The following KATNAL2 variants were observed in gnomAD, a reference collection of about 807,000 sequenced individuals.
KATNAL2 encodes the protein katanin p60 ATPase-containing subunit A-like 2.
A neutral mutation model predicts 76.3 loss-of-function variants in KATNAL2; 52 were observed. That is an observed-to-expected ratio of 0.68 (90% CI 0.55 to 0.86). The LOEUF is 0.86. KATNAL2 is among the 40% of genes least tolerant of loss of function. The probability of loss-of-function intolerance (pLI) is 0.00; values close to 1 mark genes in which losing one functional copy is unlikely to be tolerated. For missense variants in KATNAL2, 660 were observed against 668.9 expected (o/e 0.99, Z 0.15); for synonymous variants, 243 against 244.2 (o/e 1.00, Z 0.05).
At chr18:46,943,140 A>G (rs781303109) in intron 1 of KATNAL2, among the ~76,000 whole-genome samples, 5 of 152,084 alleles carry the variant, frequency 3.3e-5, no homozygotes, top group African/African-American at 9.7e-5. Flanking sequence ...TTTGATGTGT[A>G]TGGTCTCATA....
At chr18:47,080,047 C>G (rs1339194742) in intron 15 of KATNAL2, among the ~76,000 whole-genome samples, 1 of 152,176 alleles carries the variant, frequency 6.6e-6, no homozygotes, top group Non-Finnish European at 1.5e-5. Flanking sequence ...GGGTACAAGT[C>G]TATCATTTCC....
At chr18:46,943,866 T>G (rs1430377551) in intron 1 of KATNAL2, among the ~76,000 whole-genome samples, 1 of 152,254 alleles carries the variant, frequency 6.6e-6, no homozygotes, top group African/African-American at 2.4e-5. Context: ...GAAGCTAACA[T>G]GCTCTATTTT....
At chr18:47,084,309 T>G (rs1309002814) in intron 15 of KATNAL2, 6 of 702,656 alleles carry the variant, frequency 8.5e-6, no homozygotes, top group East Asian at 2.7e-5. Flanking sequence ...GATAAGCAGA[T>G]GTAACCCTTG....
chr18:47,052,998 G>T lies in KATNAL2; in HGVS notation c.241G>T (p.Val81Leu). The T allele has an allele frequency of 1.2e-6, 2 of 1,607,126 alleles. No homozygotes were observed. Among genetic ancestry groups the T allele is most frequent in the Admixed American group, 1.7e-5 (1 of 58,706 alleles). ...GATGGAATATGAGAGTTATTATTTT[G>T]TAAAATTTCAGAAATACCCCAAAAT... ...ILMEYESYYF[V>L]KFQKYPKIVK... The change falls in exon 5 of 18, where the codon GTA becomes TTA. Residue 81 changes from valine (V) to leucine (L), a missense_variant. Val to Leu is a conservative substitution (Grantham distance 32, BLOSUM62 1). Transcript: ENST00000683218.
At chr18:46,955,580 A>G (rs758636252) in intron 3 of KATNAL2, among the ~76,000 whole-genome samples, 2 of 151,636 alleles carry the variant, frequency 1.3e-5, no homozygotes, top group African/African-American at 2.4e-5. Flanking sequence ...TTTGTTTGGA[A>G]ACAGGGTCTC....
chr18:47,054,119 A>G (rs1316443693), intron 5 of KATNAL2, among the ~76,000 whole-genome samples: 1 of 152,228 alleles, frequency 6.6e-6, no homozygotes, highest in Non-Finnish European at 1.5e-5. Flanking sequence ...GCTAGCCTAT[A>G]TTGGAGTTGC....
At chr18:47,062,909 G>A in intron 8 of KATNAL2, 63 bp from the exon 9 acceptor site, 2 of 1,316,220 alleles carry the variant, frequency 1.5e-6, no homozygotes, top group South Asian at 2.4e-5. Context: ...TAATGAAACT[G>A]AGTTATTAAG....
intron 1 of KATNAL2, among the ~76,000 whole-genome samples, chr18:46,931,520 G>A (rs113304840): frequency 0.058 from 8,738 of 151,520 alleles, 301 homozygotes; most frequent in Non-Finnish European, 0.081. Flanking sequence ...GGGCGTGGTC[G>A]CACACACCTG....
intron 3 of KATNAL2, among the ~76,000 whole-genome samples, chr18:46,949,308 A>G (rs1434709247): frequency 6.6e-6 from 1 of 151,970 alleles, no homozygotes; most frequent in South Asian, 2.1e-4. Context: ...GCTGGAATGC[A>G]GTGGTGTGAT....
intron 15 of KATNAL2, chr18:47,084,352 C>G: frequency 1.4e-6 from 1 of 702,894 alleles, no homozygotes; most frequent in Non-Finnish European, 2.6e-6. Flanking sequence ...CATTTTTGGG[C>G]TCCAGGAAGA....
intron 13 of KATNAL2, among the ~76,000 whole-genome samples, chr18:47,074,102 A>C (rs1287711861): frequency 1.3e-5 from 2 of 152,198 alleles, no homozygotes; most frequent in African/African-American, 4.8e-5. Context: ...CAAGGACGGA[A>C]AGTTATTTGC....
intron 15 of KATNAL2, among the ~76,000 whole-genome samples, chr18:47,085,058 C>G (rs996831391): frequency 3.9e-5 from 6 of 151,970 alleles, no homozygotes; most frequent in Admixed American, 6.6e-5. Flanking sequence ...GCCCCAGCTC[C>G]CTATGCTGCA....
intron 3 of KATNAL2, among the ~76,000 whole-genome samples, chr18:46,965,584 C>CCT (rs1374050043): frequency 1.2e-5 from 1 of 86,288 alleles, no homozygotes; most frequent in South Asian, 4.1e-4. Flanking sequence ...CATCCCCGCC[C>CCT]CCCCCCCCCC....
chr18:47,068,416 G>A (rs1156593530), intron 11 of KATNAL2, among the ~76,000 whole-genome samples: 1 of 152,128 alleles, frequency 6.6e-6, no homozygotes. Flanking sequence ...AAATACACTA[G>A]TGTTCAGAAT....
chr18:47,031,288 C>T (rs72919278), intron 3 of KATNAL2, among the ~76,000 whole-genome samples: 5 of 152,002 alleles, frequency 3.3e-5, no homozygotes, highest in Non-Finnish European at 7.4e-5. Flanking sequence ...GAGTTCCACT[C>T]TTACCTTTCA....
chr18:46,947,887 C>G (rs2059427344), intron 3 of KATNAL2, among the ~76,000 whole-genome samples: 1 of 152,132 alleles, frequency 6.6e-6, no homozygotes, highest in Non-Finnish European at 1.5e-5. Flanking sequence ...AATTCCTCAC[C>G]TCCGGATTGT....
intron 1 of KATNAL2, among the ~76,000 whole-genome samples, chr18:46,933,950 A>T (rs1303859824): frequency 1.3e-5 from 2 of 149,820 alleles, no homozygotes; most frequent in Non-Finnish European, 3.0e-5. Context: ...TTCCAGTTTC[A>T]TCCATGTCCC....
intron 1 of KATNAL2, among the ~76,000 whole-genome samples, chr18:46,945,015 A>T (rs1462752808): frequency 6.6e-6 from 1 of 152,202 alleles, no homozygotes; most frequent in African/African-American, 2.4e-5. Context: ...AGGATCCCCA[A>T]CTTTGGTATC....
At chr18:47,070,300 C>A (rs1341019010) in intron 13 of KATNAL2, among the ~76,000 whole-genome samples, 1 of 151,904 alleles carries the variant, frequency 6.6e-6, no homozygotes, top group Non-Finnish European at 1.5e-5. Context: ...AGGGTTTCAT[C>A]ATGTTGGCCA....
Sources: allele counts gnomAD v4.1 joint callset (sites outside exome capture counted in the v4.1 genomes callset), GRCh38; gene constraint gnomAD v4.1.1; transcripts MANE v1.5; gene names NCBI Gene and HGNC (gene_info 2026-07-23, HGNC 2026-07-21).